Variants in ADAMTS17 observed in about 807,000 individuals in gnomAD.
ADAMTS17 encodes the protein A disintegrin and metalloproteinase with thrombospondin motifs 17.
A neutral mutation model predicts 141.5 loss-of-function variants in ADAMTS17; 113 were observed. The ratio of observed to expected loss-of-function variants is 0.80; its 90% CI spans 0.69 to 0.93. The LOEUF (loss-of-function observed/expected upper bound fraction) is 0.93, where lower values mean the gene tolerates loss of function less well. ADAMTS17 is among the 40% of genes least tolerant of loss of function. The pLI is 0.00. For synonymous variants in ADAMTS17, 768 were observed against 630.6 expected (o/e 1.22, Z -3.27); for missense variants, 1,659 against 1,517.9 (o/e 1.09, Z -1.54).
In ADAMTS17 at chr15:99,993,157, G is replaced by T. The variant is rs374781820; in HGVS notation, c.2840C>A (p.Ala947Glu). The T allele has an allele frequency of 6.2e-7, 1 of 1,614,112 alleles. No homozygotes were observed. The highest frequency in any genetic ancestry group is 1.7e-5 in the Admixed American group (1 of 60,014). ...CGKGVWKRTVACTNSQGKCDA... is the reference protein window; with the variant it reads ...CGKGVWKRTVECTNSQGKCDA... ...GCATTTCCCTTGTGAGTTGGTGCAC[G>T]CCACGGTCCGTTTCCACACCCCTTT... Residue 947 changes from alanine to glutamate, a missense_variant, in exon 20 of 22, where the codon GCG becomes GAG. Transcript: ENST00000268070. The surrounding 1 kb of genome is among the most constrained non-coding windows in gnomAD (Gnocchi z 4.3).
chr15:100,232,549 C>T (rs2141853168), intron 7 of ADAMTS17, among the ~76,000 whole-genome samples: 1 of 152,354 alleles, frequency 6.6e-6, no homozygotes, highest in South Asian at 2.1e-4. Context: ...GACGTAGATG[C>T]CCAATCGGCT....
chr15:100,206,992 A>G (rs2041595853), intron 7 of ADAMTS17, among the ~76,000 whole-genome samples: 1 of 152,188 alleles, frequency 6.6e-6, no homozygotes, highest in Admixed American at 6.5e-5. Flanking sequence ...GTAAGAGCAA[A>G]TACGTGCATT....
intron 12 of ADAMTS17, among the ~76,000 whole-genome samples, chr15:100,118,353 T>C (rs1567205180): frequency 6.6e-6 from 1 of 152,218 alleles, no homozygotes; most frequent in Non-Finnish European, 1.5e-5. Context: ...GAAAATATCC[T>C]GAGGAGAAAG....
rs556892882 is a variant in ADAMTS17, at chr15:100,018,018, G to A, written c.2592-20429C>T. On this transcript the variant is annotated intron_variant, in intron 18 of 21. Transcript: ENST00000268070. ...GACACCAACCCCATCCATCTCTAAA[G>A]CTTTTCATCTTCCTACACTGAAACT... 1.6e-4 allele frequency among the ~76,000 whole-genome samples: 24 copies of A among 152,162 alleles called. No homozygotes were observed. The East Asian group carries it at 4.3e-3, about 27-fold the overall frequency.
intron 16 of ADAMTS17, among the ~76,000 whole-genome samples, chr15:100,052,008 A>AT (rs2032187870): frequency 6.6e-6 from 1 of 152,196 alleles, no homozygotes; most frequent in African/African-American, 2.4e-5. Context: ...GAGCTTTAGG[A>AT]TAAGTGACTC....
intron 6 of ADAMTS17, among the ~76,000 whole-genome samples, chr15:100,257,904 C>T (rs2043380371): frequency 6.6e-6 from 1 of 152,210 alleles, no homozygotes; most frequent in Admixed American, 6.5e-5. Context: ...CATGAAATAA[C>T]AACTCCCCAT....
At chr15:100,116,414 A>G (rs2037132082) in intron 13 of ADAMTS17, among the ~76,000 whole-genome samples, 1 of 152,246 alleles carries the variant, frequency 6.6e-6, no homozygotes, top group Admixed American at 6.5e-5. Context: ...GCCAAGGATT[A>G]AGAGCCAATT....
chr15:100,160,410 C>G (rs867171981), intron 8 of ADAMTS17, among the ~76,000 whole-genome samples: 9 of 152,160 alleles, frequency 5.9e-5, no homozygotes, highest in South Asian at 4.1e-4. Flanking sequence ...CTTGGAAAAC[C>G]ACAATGGGAG....
intron 4 of ADAMTS17, among the ~76,000 whole-genome samples, chr15:100,275,513 G>A (rs892124903): frequency 6.6e-6 from 1 of 152,214 alleles, no homozygotes; most frequent in Non-Finnish European, 1.5e-5. Context: ...AGTCCAGGGT[G>A]GAGACAGAAA....
At chr15:100,330,389 C>T (rs962952454) in intron 3 of ADAMTS17, among the ~76,000 whole-genome samples, 1 of 152,208 alleles carries the variant, frequency 6.6e-6, no homozygotes, top group South Asian at 2.1e-4. Flanking sequence ...TGATTCACAG[C>T]TCTGGCCTGA....
chr15:100,113,827 G>C (rs1285588397), intron 13 of ADAMTS17, among the ~76,000 whole-genome samples: 1 of 152,236 alleles, frequency 6.6e-6, no homozygotes, highest in East Asian at 1.9e-4. Context: ...GACCTGGGGG[G>C]TTCTGCCGTG....
rs949743426 is a variant in ADAMTS17, at chr15:99,973,267, G to C, written c.*1135C>G. 6.6e-6 allele frequency: 1 copy of C among 152,262 alleles called. No individual in the cohort carries two copies. The highest frequency in any genetic ancestry group is 1.5e-5 in the Non-Finnish European group (1 of 68,114). 9.4% of individuals were successfully genotyped at this position (152,262 alleles called of 1,614,324 possible). The stretch of plus-strand genomic sequence containing the variant: ...ACCACAAAGTCTGGGGCTACAGGAA[G>C]GCTCGGCGGGTGTGCAGCAGTGCCA... On this transcript the variant is annotated 3_prime_UTR_variant, in exon 22 of 22. Transcript: ENST00000268070.
At chr15:100,114,771 C>T (rs1052362277) in intron 13 of ADAMTS17, among the ~76,000 whole-genome samples, 1 of 152,188 alleles carries the variant, frequency 6.6e-6, no homozygotes, top group Non-Finnish European at 1.5e-5. Context: ...AGAGCCACAC[C>T]GCAAGGCTTC....
intron 18 of ADAMTS17, among the ~76,000 whole-genome samples, chr15:100,011,453 G>GA (rs2061179889): frequency 6.7e-6 from 1 of 149,400 alleles, no homozygotes; most frequent in East Asian, 2.0e-4. Flanking sequence ...AAGAAGGAAG[G>GA]AAGGAAAGGA....
Position 100,331,046 on chromosome 15 carries a change from G to T in ADAMTS17, c.459C>A (p.Leu153=). 6.2e-7 allele frequency: 1 copy of T among 1,614,160 alleles called. No homozygotes were observed. The highest frequency in any genetic ancestry group is 8.5e-7 in the Non-Finnish European group (1 of 1,180,036). Residue 153 remains leucine, a synonymous_variant, in exon 3 of 22, where the codon CTC becomes CTA. Coordinates refer to ENST00000268070, the MANE Select transcript of ADAMTS17 (RefSeq NM_139057.4). The stretch of plus-strand genomic sequence containing the variant: ...GCACCTGCTCCTGCCCAAGCTGAAT[G>T]AGGCCAACCTGTCCAGAAAGGAGAA... ...ACGAAGGLVG[L]IQLGQEQVLI...
At chr15:100,065,108 T>C (rs980950330) in intron 15 of ADAMTS17, among the ~76,000 whole-genome samples, 5 of 152,216 alleles carry the variant, frequency 3.3e-5, no homozygotes, top group African/African-American at 1.2e-4. Context: ...AAAAATAGTA[T>C]ACAAAAGTTC....
intron 7 of ADAMTS17, among the ~76,000 whole-genome samples, chr15:100,199,672 T>C (rs541247456): frequency 3.9e-5 from 6 of 152,194 alleles, no homozygotes; most frequent in African/African-American, 1.4e-4. Flanking sequence ...AGAGTACCCA[T>C]AGCACCTAAC....
At chr15:100,052,695 G>T (rs896338234) in intron 16 of ADAMTS17, among the ~76,000 whole-genome samples, 1 of 152,192 alleles carries the variant, frequency 6.6e-6, no homozygotes, top group African/African-American at 2.4e-5. Flanking sequence ...AGAATAGGAG[G>T]ATTTGTTCTG....
At chr15:100,204,744 C>T (rs1438778664) in intron 7 of ADAMTS17, among the ~76,000 whole-genome samples, 1 of 152,168 alleles carries the variant, frequency 6.6e-6, no homozygotes, top group Non-Finnish European at 1.5e-5. Flanking sequence ...TTAGCTATAA[C>T]ATCAAAAGCA....
Sources: gnomAD v4.1 joint callset for allele counts (sites outside exome capture counted in the v4.1 genomes callset) on GRCh38, gnomAD v4.1.1 for gene constraint, Gnocchi (gnomAD v3.1) non-coding constraint, MANE v1.5 for transcripts, NCBI Gene and HGNC (gene_info 2026-07-23, HGNC 2026-07-21) for gene names.